Variants in FAM184B observed in about 807,000 individuals in gnomAD.
FAM184B encodes protein FAM184B.
FAM184B carries 111 observed loss-of-function variants against 135.9 expected under a neutral mutation model. The ratio of observed to expected loss-of-function variants is 0.82; its 90% CI spans 0.70 to 0.96. FAM184B has a LOEUF of 0.96. Ranked by LOEUF, FAM184B falls within the 40% of genes least tolerant of loss-of-function variation. FAM184B has a pLI of 0.00. For missense variants in FAM184B, 1,375 were observed against 1,323.9 expected, an observed-to-expected ratio of 1.04 and a Z score of -0.60; for synonymous variants, 552 against 524.8, an observed-to-expected ratio of 1.05 and a Z score of -0.71.
chr4:17,709,663 A>C lies in FAM184B; in HGVS notation c.142-19T>G. 6.8e-7 allele frequency: 1 copy of C among 1,475,474 alleles called. No homozygotes were observed. Among genetic ancestry groups the C allele is most frequent in the Non-Finnish European group, 9.0e-7 (1 of 1,114,384 alleles). 91.4% of individuals were successfully genotyped at this position (1,475,474 alleles called of 1,614,324 possible). On this transcript the variant is annotated intron_variant, in intron 1 of 17. Coordinates refer to ENST00000265018, the MANE Select transcript of FAM184B (RefSeq NM_015688.2). Reference sequence around the variant, plus strand: ...AAATCACCTGCAGGAAAATCAACAGAGCCCAGTTAGGGTGAGGGGGCTGGG... The same window carrying C: ...AAATCACCTGCAGGAAAATCAACAGCGCCCAGTTAGGGTGAGGGGGCTGGG...
chr4:17,708,709 A>ATATATATATATATATT (rs3066655), intron 2 of FAM184B, among the ~76,000 whole-genome samples, 183 bp downstream of exon 2: 3 of 38,836 alleles, frequency 7.7e-5, no homozygotes, highest in Non-Finnish European at 1.4e-4. Flanking sequence ...ATATATATAT[A>ATATATATATATATATT]GTGTCTGTGT....
intron 1 of FAM184B, among the ~76,000 whole-genome samples, chr4:17,716,265 T>C (rs2108969852): frequency 6.6e-6 from 1 of 152,236 alleles, no homozygotes; most frequent in Middle Eastern, 3.4e-3. Context: ...ACATCCTCTC[T>C]TTTCTCCACC....
chr4:17,723,673 A>G (rs1446603665), intron 1 of FAM184B, among the ~76,000 whole-genome samples: 1 of 152,188 alleles, frequency 6.6e-6, no homozygotes, highest in Admixed American at 6.5e-5. Flanking sequence ...AGGGACATAC[A>G]ATAGAGGAGT....
At position 17,708,906 on chromosome 4, in the gene FAM184B, T is replaced by C; in HGVS notation, c.880A>G (p.Lys294Glu). Residue 294 changes from lysine (K) to glutamate (E), a missense_variant, in exon 2 of 18, where the codon AAG becomes GAG. By Grantham distance (56) the Lys-to-Glu change is moderately conservative. Coordinates refer to ENST00000265018, the MANE Select transcript of FAM184B (RefSeq NM_015688.2). Reference sequence around the variant, plus strand: ...TGCTGCTTTACCTGAATCCTCTCCTTCAGCTTCTGGGCGTACTTCTTCAGG... The same window carrying C: ...TGCTGCTTTACCTGAATCCTCTCCTCCAGCTTCTGGGCGTACTTCTTCAGG... ...SDLKKYAQKL[K>E]ERIQDLDVQL... 1 of 1,516,956 alleles carries C rather than the reference T, an allele frequency of 6.6e-7. No individual in the cohort carries two copies. The highest frequency in any genetic ancestry group is 8.9e-7 in the Non-Finnish European group (1 of 1,129,910). The allele number at this position is 1,516,956 out of a possible 1,614,324, so 94.0% of individuals were successfully genotyped here. A position where few individuals can be genotyped will look rare whatever the true frequency, so the allele number is the denominator to read the frequency against.
chr4:17,772,486 A>T (rs960618403), intron 1 of FAM184B, among the ~76,000 whole-genome samples: 6 of 152,216 alleles, frequency 3.9e-5, no homozygotes. Flanking sequence ...GTATCTACAG[A>T]TAAATACCAC....
chr4:17,652,184 G>A (rs1257777978), intron 11 of FAM184B, among the ~76,000 whole-genome samples: 2 of 138,812 alleles, frequency 1.4e-5, no homozygotes, highest in Non-Finnish European at 3.0e-5. Flanking sequence ...GAGTGCAGTG[G>A]CGCCATCTCG....
intron 17 of FAM184B, 56 bp from the exon 18 acceptor site, chr4:17,632,681 T>C: frequency 8.7e-7 from 1 of 1,152,844 alleles, no homozygotes. Flanking sequence ...AAGAAGCAGC[T>C]TAATACCCAC....
chr4:17,740,773 A>T (rs4698207), intron 1 of FAM184B, among the ~76,000 whole-genome samples: 1 of 152,188 alleles, frequency 6.6e-6, no homozygotes, highest in Non-Finnish European at 1.5e-5. Flanking sequence ...CAGGCCCCCA[A>T]GTGCTTTGTA....
chr4:17,690,739 G>C (rs1716714052), intron 6 of FAM184B, among the ~76,000 whole-genome samples: 1 of 152,192 alleles, frequency 6.6e-6, no homozygotes, highest in Admixed American at 6.5e-5. Flanking sequence ...ACATCTACAA[G>C]TGGGGAAAGA....
At position 17,629,532 on chromosome 4, in the gene FAM184B, G is replaced by A. The variant is rs1714863514; in HGVS notation, c.*3000C>T. On this transcript the variant is annotated 3_prime_UTR_variant, in exon 18 of 18. Transcript: ENST00000265018. Reference sequence around the variant, plus strand: ...ACCTACCCCAATTACAAAACAGTTTGCTTTCATGTGGAACAGATAGTATTC... The same window carrying A: ...ACCTACCCCAATTACAAAACAGTTTACTTTCATGTGGAACAGATAGTATTC... 1 of 152,156 alleles carries A rather than the reference G, an allele frequency of 6.6e-6. No homozygotes were observed. The highest frequency in any genetic ancestry group is 1.9e-4 in the East Asian group (1 of 5,198). The allele number at this position is 152,156 out of a possible 1,614,324, so 9.4% of individuals were successfully genotyped here. A position where few individuals can be genotyped will look rare whatever the true frequency, so the allele number is the denominator to read the frequency against.
rs79203081 is a variant in FAM184B, at chr4:17,736,479, G to A, written c.142-26835C>T. Among the ~76,000 whole-genome samples, 682 of 152,268 alleles carry A rather than the reference G, an allele frequency of 4.5e-3. 26 individuals are homozygous for A. The East Asian group carries it at 0.084, about 19-fold the overall frequency. ...AAAAGTACAGAGGGTTAAATAAGGT[G>A]GAAATGTCTGCTTCTCTTGGGACAA... On this transcript the variant is annotated intron_variant, in intron 1 of 17. Transcript: ENST00000265018.
At chr4:17,673,089 A>G (rs1716216040) in intron 7 of FAM184B, among the ~76,000 whole-genome samples, 1 of 152,202 alleles carries the variant, frequency 6.6e-6, no homozygotes. Context: ...AGAAAAAAAC[A>G]AACAATCCCA....
rs76531324 is a variant in FAM184B at position 17,728,274 on chromosome 4, C to T, written c.142-18630G>A. Among the ~76,000 whole-genome samples the T allele has an allele frequency of 8.4e-3, 1,286 of 152,264 alleles. 19 individuals are homozygous for T. The highest frequency in any genetic ancestry group is 0.028 in the African/African-American group (1,182 of 41,550). On this transcript the variant is annotated intron_variant, in intron 1 of 17. Transcript: ENST00000265018. ...TCCACAAGCATACCTGTAGTCCCAG[C>T]TACTCAGGAGGCTGAGATGGGAGGA... is the stretch of plus-strand genomic sequence containing the variant.
chr4:17,653,077 T>C (rs1256197934), intron 10 of FAM184B, 94 bp from the exon 11 acceptor site: 1 of 1,208,726 alleles, frequency 8.3e-7, no homozygotes, highest in African/African-American at 1.5e-5. Flanking sequence ...CAGGATGCTC[T>C]GAACACTCGC....
chr4:17,684,760 A>G (rs774383783), intron 7 of FAM184B, among the ~76,000 whole-genome samples: 3 of 152,208 alleles, frequency 2.0e-5, no homozygotes, highest in South Asian at 4.1e-4. Flanking sequence ...CTCATTCACT[A>G]TTCACAACAG....
chr4:17,653,179 T>C (rs1225609003), intron 10 of FAM184B, among the ~76,000 whole-genome samples, 196 bp from the exon 11 acceptor site: 3 of 152,164 alleles, frequency 2.0e-5, no homozygotes, highest in Non-Finnish European at 2.9e-5. Flanking sequence ...ACCACCTCCT[T>C]CCACAGCTGA....
chr4:17,707,042 C>T (rs1157005801), intron 3 of FAM184B, among the ~76,000 whole-genome samples: 1 of 152,146 alleles, frequency 6.6e-6, no homozygotes, highest in Non-Finnish European at 1.5e-5. Flanking sequence ...CCTGCCTTGG[C>T]CTCCCAAAGT....
At position 17,709,623 on chromosome 4, in the gene FAM184B, G is replaced by C; in HGVS notation, c.163C>G (p.Arg55Gly). 6.6e-7 allele frequency: 1 copy of C among 1,517,868 alleles called. No homozygotes were observed. The highest frequency in any genetic ancestry group is 1.3e-5 in the South Asian group (1 of 78,166). 94.0% of individuals were successfully genotyped at this position (1,517,868 alleles called of 1,614,324 possible). A position where few individuals can be genotyped will look rare whatever the true frequency, so the allele number is the denominator to read the frequency against. Reference protein sequence around the residue: ...LTKVIYALNTRQDEAEASMEA... With the variant: ...LTKVIYALNTGQDEAEASMEA... ...ATGCTGGCCTCAGCCTCATCCTGGCGGGTGTTCAGGGCATAAATCACCTGC... is the reference window on the plus strand; with the variant it reads ...ATGCTGGCCTCAGCCTCATCCTGGCCGGTGTTCAGGGCATAAATCACCTGC... Residue 55 changes from arginine to glycine, a missense_variant, in exon 2 of 18, where the codon CGC becomes GGC. Arg to Gly is a moderately radical substitution (Grantham distance 125). Coordinates refer to ENST00000265018, the MANE Select transcript of FAM184B (RefSeq NM_015688.2).
chr4:17,658,126 G>A (rs1395137891), intron 10 of FAM184B, among the ~76,000 whole-genome samples: 1 of 152,228 alleles, frequency 6.6e-6, no homozygotes, highest in African/African-American at 2.4e-5. Context: ...AAGCCCAGCA[G>A]ACCTAGCCCG....
Sources: gnomAD v4.1 joint callset for allele counts (sites outside exome capture counted in the v4.1 genomes callset) on GRCh38, gnomAD v4.1.1 for gene constraint, MANE v1.5 for transcripts, NCBI Gene and HGNC (gene_info 2026-07-23, HGNC 2026-07-21) for gene names.